NUP88: variants seen among roughly 807,000 people sequenced by gnomAD.
NUP88 encodes the protein nuclear pore complex protein Nup88.
A neutral mutation model predicts 93.9 loss-of-function variants in NUP88; 57 were observed. The observed-to-expected ratio is 0.61, with a 90% CI of 0.49 to 0.76. The LOEUF is 0.76. NUP88 is among the 30% of genes least tolerant of loss of function. The pLI, the probability that NUP88 is intolerant of heterozygous loss-of-function variation, is 0.00. For missense variants in NUP88, 911 were observed against 901.0 expected, an observed-to-expected ratio of 1.01 and a Z score of -0.14; for synonymous variants, 346 against 336.8, an observed-to-expected ratio of 1.03 and a Z score of -0.30.
chr17:5,388,830 G>A lies in NUP88; in HGVS notation c.1615C>T (p.Arg539Cys), dbSNP rs767917093. 1.4e-5 allele frequency: 22 copies of A among 1,613,838 alleles called. No homozygotes were observed. Among genetic ancestry groups the A allele is most frequent in the South Asian group, 8.8e-5 (8 of 91,058 alleles). ...FEKHIRSILQ[R>C]SVANPAFLKA... ...AAAAATGCTGGATTGGCAACACTAC[G>A]TTGCAAAATGCTTCTAATATGCTTT... Residue 539 changes from arginine to cysteine, a missense_variant, in exon 11 of 17, where the codon CGT becomes TGT. Transcript: ENST00000573584.
intron 8 of NUP88, among the ~76,000 whole-genome samples, chr17:5,398,265 T>A (rs555948126): frequency 2.2e-4 from 33 of 151,402 alleles, no homozygotes; most frequent in African/African-American, 8.0e-4. Flanking sequence ...ATAGTTTTGA[T>A]TACTAATCAA....
intron 5 of NUP88, among the ~76,000 whole-genome samples, chr17:5,405,558 G>T (rs983579919): frequency 6.6e-6 from 1 of 152,100 alleles, no homozygotes; most frequent in African/African-American, 2.4e-5. Context: ...AAACATTCCC[G>T]CACAGCACAG....
At chr17:5,405,983 T>G (rs1913466718) in intron 5 of NUP88, among the ~76,000 whole-genome samples, 1 of 152,236 alleles carries the variant, frequency 6.6e-6, no homozygotes, top group African/African-American at 2.4e-5. Context: ...ACCAAATCCT[T>G]TCTTCTAAAA....
intron 7 of NUP88, among the ~76,000 whole-genome samples, chr17:5,402,726 G>A (rs1331289722): frequency 6.6e-6 from 1 of 152,210 alleles, no homozygotes; most frequent in Non-Finnish European, 1.5e-5. Context: ...AAATAGGGCT[G>A]GGCATGGTGG....
intron 3 of NUP88, 42 bp from the exon 4 acceptor site, chr17:5,410,831 T>A (rs1447235150): frequency 1.5e-6 from 2 of 1,337,394 alleles, no homozygotes; most frequent in Non-Finnish European, 2.1e-6. Flanking sequence ...TAAAATTCTG[T>A]TTTCATTTCC....
intron 2 of NUP88, among the ~76,000 whole-genome samples, chr17:5,414,918 G>C (rs1243337367): frequency 6.6e-6 from 1 of 151,772 alleles, no homozygotes; most frequent in East Asian, 1.9e-4. Flanking sequence ...AGTGAGCTGA[G>C]ATCACGCCAC....
At chr17:5,404,502 T>C (rs901185341) in intron 6 of NUP88, among the ~76,000 whole-genome samples, 12 of 151,992 alleles carry the variant, frequency 7.9e-5, no homozygotes, top group African/African-American at 2.9e-4. Context: ...TAATCCCAGC[T>C]ACTGGGGAGG....
At chr17:5,389,983 T>G (rs1216508348) in intron 10 of NUP88, among the ~76,000 whole-genome samples, 1 of 151,712 alleles carries the variant, frequency 6.6e-6, no homozygotes, top group African/African-American at 2.4e-5. Flanking sequence ...CTGGCCAACA[T>G]GGCAAAACCT....
intron 9 of NUP88, among the ~76,000 whole-genome samples, chr17:5,393,750 T>G (rs1912597340): frequency 6.6e-6 from 1 of 152,228 alleles, no homozygotes; most frequent in African/African-American, 2.4e-5. Flanking sequence ...TGTTCACTTT[T>G]CAAGCTGGTA....
In NUP88 at chr17:5,386,724, A is replaced by C; in HGVS notation, c.2146T>G (p.Ser716Ala). The change falls in exon 16 of 17, where the codon TCC becomes GCC. Residue 716 changes from serine (S) to alanine (A), a missense_variant. Coordinates refer to ENST00000573584, the MANE Select transcript of NUP88 (RefSeq NM_002532.6). Reference sequence around the variant, plus strand: ...TTTACTTACTCCTCTTTCAGGATGGACTGAATGCACTTTCGCTGGTAGGCA... The same window carrying C: ...TTTACTTACTCCTCTTTCAGGATGGCCTGAATGCACTTTCGCTGGTAGGCA... ...LSAYQRKCIQ[S>A]ILKEEGEHIR... 1 of 1,607,364 alleles carries C rather than the reference A, an allele frequency of 6.2e-7. No homozygotes were observed.
intron 11 of NUP88, 188 bp from the exon 12 acceptor site, chr17:5,388,092 CCAGGTTCGAG>C: frequency 2.2e-6 from 1 of 454,450 alleles, no homozygotes; most frequent in Non-Finnish European, 3.8e-6. Context: ...CCTCCACCTC[CCAGGTTCGAG>C]CAATTCTTCT....
chr17:5,391,505 A>G (rs962707451), intron 10 of NUP88, 56 bp downstream of exon 10: 1 of 1,432,838 alleles, frequency 7.0e-7, no homozygotes, highest in East Asian at 2.3e-5. Flanking sequence ...CATTTTCCCA[A>G]CTTAGATATT....
At chr17:5,387,579 G>C in intron 13 of NUP88, 26 bp downstream of exon 13, 1 of 1,603,750 alleles carries the variant, frequency 6.2e-7, no homozygotes, top group Non-Finnish European at 8.5e-7. Flanking sequence ...CTGACCTATT[G>C]TATTCTTCTT....
intron 9 of NUP88, among the ~76,000 whole-genome samples, chr17:5,393,946 T>G (rs1487532279): frequency 2.6e-5 from 4 of 152,200 alleles, no homozygotes; most frequent in African/African-American, 9.6e-5. Flanking sequence ...GTATCTAGAA[T>G]ACCTTCCAGG....
chr17:5,412,008 CA>C (rs1177813490), intron 3 of NUP88, among the ~76,000 whole-genome samples: 2 of 152,266 alleles, frequency 1.3e-5, no homozygotes, highest in African/African-American at 4.8e-5. Context: ...AAAGAAGGTG[CA>C]ACAGGGCATT....
intron 1 of NUP88, among the ~76,000 whole-genome samples, 197 bp downstream of exon 1, chr17:5,419,157 T>C (rs958608685): frequency 3.3e-5 from 5 of 152,282 alleles, no homozygotes; most frequent in African/African-American, 1.2e-4. Flanking sequence ...GAATATTCAA[T>C]GACCCTTTCC....
intron 16 of NUP88, 142 bp from the exon 17 acceptor site, chr17:5,386,411 T>A (rs1410297143): frequency 2.4e-5 from 17 of 704,974 alleles, no homozygotes; most frequent in Admixed American, 5.2e-5. Flanking sequence ...TGGATAGCAA[T>A]AGTGTTCACT....
rs751826325 is a variant in NUP88 at position 5,387,375 on chromosome 17, A to C, written c.1916+11T>G. ...CTGACTAGGTAACTAAATGTTATACAGCCCACTGACCTGTTCATGATATCC... is the reference window on the plus strand; with the variant it reads ...CTGACTAGGTAACTAAATGTTATACCGCCCACTGACCTGTTCATGATATCC... On this transcript the variant is annotated intron_variant, in intron 14 of 16. Coordinates refer to ENST00000573584, the MANE Select transcript of NUP88 (RefSeq NM_002532.6). 2 of 1,607,588 alleles carry C rather than the reference A, an allele frequency of 1.2e-6. No individual in the cohort carries two copies. The highest frequency in any genetic ancestry group is 4.5e-5 in the East Asian group (2 of 44,806).
intron 10 of NUP88, among the ~76,000 whole-genome samples, chr17:5,390,761 T>G (rs536994306): frequency 4.4e-4 from 67 of 152,204 alleles, no homozygotes; most frequent in Middle Eastern, 3.4e-3. Flanking sequence ...TGTAGTGCAG[T>G]GGCATGATCA....
Sources: allele counts gnomAD v4.1 joint callset (sites outside exome capture counted in the v4.1 genomes callset), GRCh38; gene constraint gnomAD v4.1.1; transcripts MANE v1.5; gene names NCBI Gene and HGNC (gene_info 2026-07-23, HGNC 2026-07-21).